ZNF536: variants seen among roughly 807,000 people sequenced by gnomAD.
The protein encoded by ZNF536 is zinc finger protein 536.
In ZNF536, 13 loss-of-function variants were observed where a neutral mutation model predicts 84.5. That is an observed-to-expected ratio of 0.15 (90% CI 0.10 to 0.24). The LOEUF is 0.24. Ranked by LOEUF, ZNF536 falls within the 10% of genes least tolerant of loss-of-function variation. ZNF536 has a pLI of 1.00. For missense variants in ZNF536, 1,536 were observed against 1,747.5 expected, an observed-to-expected ratio of 0.88 and a Z score of 2.16; for synonymous variants, 811 against 742.5, an observed-to-expected ratio of 1.09 and a Z score of -1.50.
chr19:30,596,001 C>T (rs2047450985), intron 1 of ZNF536, among the ~76,000 whole-genome samples: 1 of 152,190 alleles, frequency 6.6e-6, no homozygotes. Context: ...GGACCCCTCA[C>T]TTTAAGGCTC....
intron 1 of ZNF536, among the ~76,000 whole-genome samples, chr19:30,666,365 C>T (rs1049155817): frequency 6.6e-6 from 1 of 152,114 alleles, no homozygotes; most frequent in Non-Finnish European, 1.5e-5. Flanking sequence ...CCCTCCTGTC[C>T]GCTCTTCTTT....
At chr19:30,423,399 A>G (rs2051066480) in intron 1 of ZNF536, among the ~76,000 whole-genome samples, 1 of 152,236 alleles carries the variant, frequency 6.6e-6, no homozygotes, top group Admixed American at 6.5e-5. Context: ...GGTATCCAAT[A>G]GGGATACAGT....
At chr19:30,654,171 G>A (rs913485946) in intron 1 of ZNF536, among the ~76,000 whole-genome samples, 1 of 152,194 alleles carries the variant, frequency 6.6e-6, no homozygotes, top group African/African-American at 2.4e-5. Context: ...CCTGGCAGCA[G>A]GTGTGAGCCA....
intron 2 of ZNF536, among the ~76,000 whole-genome samples, chr19:30,529,683 T>A (rs191535763): frequency 5.3e-4 from 81 of 152,298 alleles, no homozygotes; most frequent in African/African-American, 1.8e-3. Context: ...TGTCTCCTTG[T>A]TCCTGGTAAC....
chr19:30,332,407 G>A (rs977305544), intron 2 of ZNF536, among the ~76,000 whole-genome samples: 7 of 151,948 alleles, frequency 4.6e-5, no homozygotes, highest in African/African-American at 9.7e-5. Context: ...GCACCCTTAT[G>A]TATGCACCCA....
chr19:30,405,339 A>G (rs966188602), intron 1 of ZNF536, among the ~76,000 whole-genome samples: 1 of 152,204 alleles, frequency 6.6e-6, no homozygotes, highest in South Asian at 2.1e-4. Flanking sequence ...CAACATTACA[A>G]CAAAAGACTC....
intron 1 of ZNF536, among the ~76,000 whole-genome samples, chr19:30,248,873 C>T (rs938124549): frequency 2.0e-5 from 3 of 152,148 alleles, no homozygotes; most frequent in Non-Finnish European, 4.4e-5. Context: ...ACCCCTCCCC[C>T]AGAAGTTGGG....
chr19:30,320,478 C>A (rs1407212051), intron 2 of ZNF536, among the ~76,000 whole-genome samples: 1 of 152,146 alleles, frequency 6.6e-6, no homozygotes, highest in African/African-American at 2.4e-5. Flanking sequence ...TTCCTCAATT[C>A]TTTGTCCTCT....
intron 2 of ZNF536, among the ~76,000 whole-genome samples, chr19:30,523,037 A>C (rs1338107360): frequency 6.6e-6 from 1 of 152,002 alleles, no homozygotes; most frequent in Non-Finnish European, 1.5e-5. Context: ...GGGGTTTTAG[A>C]GCTTTGGAGG....
chr19:30,305,592 T>C (rs2046318480), intron 2 of ZNF536, among the ~76,000 whole-genome samples: 1 of 152,120 alleles, frequency 6.6e-6, no homozygotes, highest in Non-Finnish European at 1.5e-5. Flanking sequence ...GGGGTGGTTG[T>C]TTCAGCTTTG....
At chr19:30,580,168 C>A (rs562642185) in intron 1 of ZNF536, among the ~76,000 whole-genome samples, 1 of 152,296 alleles carries the variant, frequency 6.6e-6, no homozygotes, top group South Asian at 2.1e-4. Flanking sequence ...TGGCAATGCA[C>A]CTGAGCTGCC....
chr19:30,344,779 T>C (rs1481189076), intron 2 of ZNF536, among the ~76,000 whole-genome samples: 1 of 152,086 alleles, frequency 6.6e-6, no homozygotes, highest in Non-Finnish European at 1.5e-5. Flanking sequence ...ATTTCACAGT[T>C]GGGAAAGTCA....
intron 1 of ZNF536, among the ~76,000 whole-genome samples, chr19:30,577,485 A>G (rs2046780829): frequency 6.6e-6 from 1 of 152,220 alleles, no homozygotes; most frequent in Non-Finnish European, 1.5e-5. Context: ...TTACGACACC[A>G]AGATATGCAG....
chr19:30,527,255 A>G (rs1228648602), intron 2 of ZNF536, among the ~76,000 whole-genome samples: 1 of 131,966 alleles, frequency 7.6e-6, no homozygotes, highest in Non-Finnish European at 1.6e-5. Context: ...TTTTTTAAGA[A>G]ATTAGCCTTT....
rs373678037 is a variant in ZNF536 at position 30,641,787 on chromosome 19, A to G, written c.170-68970A>G. On this transcript the variant is annotated intron_variant, in intron 1 of 1. Coordinates refer to the ZNF536 transcript ENST00000592773. ...CTTCCCGCCAAATCTCAAATCCAAG[A>G]CAGGAATTAGGGGCTTCTCTTGGCC... Among the ~76,000 whole-genome samples, 34 of 152,296 alleles carry G rather than the reference A, an allele frequency of 2.2e-4. No individual in the cohort carries two copies. The East Asian group carries it at 4.2e-3, about 19-fold the overall frequency.
At chr19:30,638,955 C>T (rs1468280333) in intron 1 of ZNF536, among the ~76,000 whole-genome samples, 1 of 152,156 alleles carries the variant, frequency 6.6e-6, no homozygotes, top group East Asian at 1.9e-4. Context: ...TTGGCGATTC[C>T]CATTTTCTAC....
At chr19:30,502,262 G>T (rs2054980852) in intron 2 of ZNF536, among the ~76,000 whole-genome samples, 1 of 152,190 alleles carries the variant, frequency 6.6e-6, no homozygotes, top group Non-Finnish European at 1.5e-5. Context: ...GAGTCTATTA[G>T]ACCTAGCTTT....
chr19:30,559,404 G>A (rs1185042904), downstream of ZNF536, among the ~76,000 whole-genome samples: 1 of 152,238 alleles, frequency 6.6e-6, no homozygotes, highest in Admixed American at 6.5e-5. Context: ...TGTACAAGAA[G>A]TAGGGCCCCA....
At chr19:30,486,092 T>C (rs1301708984) in intron 2 of ZNF536, among the ~76,000 whole-genome samples, 1 of 152,200 alleles carries the variant, frequency 6.6e-6, no homozygotes, top group African/African-American at 2.4e-5. Flanking sequence ...TTTTTTTTCT[T>C]TTTAAAATTT....
Sources: gnomAD v4.1 joint callset for allele counts (sites outside exome capture counted in the v4.1 genomes callset) on GRCh38, gnomAD v4.1.1 for gene constraint, MANE v1.5 for transcripts, NCBI Gene and HGNC (gene_info 2026-07-23, HGNC 2026-07-21) for gene names.